The following RASSF3 variants were observed in gnomAD, a reference collection of about 807,000 sequenced individuals.
RASSF3 encodes the protein Ras association domain family member 3.
In RASSF3, 19 loss-of-function variants were observed where a neutral mutation model predicts 19.9. That is an observed-to-expected ratio of 0.96 (90% confidence interval 0.67 to 1.40). The LOEUF is 1.40. Ranked by LOEUF, RASSF3 falls within the 40% of genes most tolerant of loss-of-function variation. The pLI is 0.00. For missense variants in RASSF3, 306 were observed against 289.8 expected, an observed-to-expected ratio of 1.06 and a Z score of -0.41; for synonymous variants, 110 against 104.2, an observed-to-expected ratio of 1.06 and a Z score of -0.34.
intron 1 of RASSF3, among the ~76,000 whole-genome samples, chr12:64,523,437 T>G (rs532989585): frequency 3.9e-5 from 6 of 151,936 alleles, no homozygotes; most frequent in African/African-American, 1.4e-4. Context: ...AAAGAAAAAA[T>G]AAGCTTCTTT....
At chr12:64,665,611 A>C (rs185034511) in intron 1 of RASSF3, among the ~76,000 whole-genome samples, 35 of 152,270 alleles carry the variant, frequency 2.3e-4, no homozygotes, top group Non-Finnish European at 4.4e-5. Context: ...AACACCTGGA[A>C]ATTACCACCC....
At chr12:64,639,560 G>C (rs1408289343) in intron 1 of RASSF3, among the ~76,000 whole-genome samples, 1 of 152,108 alleles carries the variant, frequency 6.6e-6, no homozygotes, top group Non-Finnish European at 1.5e-5. Flanking sequence ...TAATTACGAA[G>C]AATGGCATAA....
intron 1 of RASSF3, among the ~76,000 whole-genome samples, chr12:64,639,615 G>C (rs890041047): frequency 1.3e-5 from 2 of 152,124 alleles, no homozygotes; most frequent in Non-Finnish European, 2.9e-5. Flanking sequence ...GCTCCCTTTG[G>C]GTGAAAGAAG....
chr12:64,575,423 G>T (rs899299142), intron 2 of RASSF3, among the ~76,000 whole-genome samples: 1 of 152,078 alleles, frequency 6.6e-6, no homozygotes, highest in African/African-American at 2.4e-5. Flanking sequence ...CGTGGTGGTG[G>T]ACACCTGTAG....
intron 2 of RASSF3, among the ~76,000 whole-genome samples, chr12:64,599,823 G>A (rs182555522): frequency 1.3e-5 from 2 of 152,026 alleles, no homozygotes; most frequent in East Asian, 3.9e-4. Context: ...ACGAGGTCAG[G>A]AGATCGAGAC....
downstream of RASSF3, among the ~76,000 whole-genome samples, chr12:64,544,149 C>T (rs1168514889): frequency 6.6e-6 from 1 of 152,114 alleles, no homozygotes; most frequent in Non-Finnish European, 1.5e-5. Flanking sequence ...CTTTGGGTCA[C>T]ACTGCGTTTA....
downstream of RASSF3, among the ~76,000 whole-genome samples, chr12:64,546,248 G>C (rs1420451499): frequency 1.3e-5 from 2 of 152,046 alleles, no homozygotes; most frequent in African/African-American, 2.4e-5. Context: ...CCGAAGTGTG[G>C]TGCTGTAATA....
intron 1 of RASSF3, among the ~76,000 whole-genome samples, chr12:64,676,063 G>A (rs1332526753): frequency 1.3e-5 from 2 of 152,034 alleles, no homozygotes; most frequent in Admixed American, 6.6e-5. Flanking sequence ...CACTGGTGCC[G>A]TGAGAACACT....
intron 1 of RASSF3, among the ~76,000 whole-genome samples, chr12:64,647,029 C>T (rs1175424717): frequency 6.6e-6 from 1 of 152,070 alleles, no homozygotes; most frequent in Non-Finnish European, 1.5e-5. Flanking sequence ...AGTGCAGAAG[C>T]TAGAATTTTA....
At chr12:64,520,551 CACACATATATATAT>C (rs1489615936) in intron 1 of RASSF3, among the ~76,000 whole-genome samples, 13 of 120,146 alleles carry the variant, frequency 1.1e-4, no homozygotes, top group Admixed American at 4.6e-4. Context: ...TACACACATA[CACACATATATATAT>C]ATATATATAT....
At chr12:64,555,255 T>C (rs1208980369) in intron 2 of RASSF3, among the ~76,000 whole-genome samples, 1 of 151,522 alleles carries the variant, frequency 6.6e-6, no homozygotes, top group Admixed American at 6.6e-5. Flanking sequence ...AAAAAAAATT[T>C]GATTCTAGAA....
At position 64,610,538 on chromosome 12, in the gene RASSF3, C is replaced by A; in HGVS notation, c.-95C>A. The stretch of plus-strand genomic sequence containing the variant: ...GCTGCATAAGGACTGCCCGGGGCTG[C>A]GCGCCGGGAACCTCGCGGGGCTGGC... On this transcript the variant is annotated 5_prime_UTR_variant, in exon 1 of 5. Transcript: ENST00000542104. 2 of 481,636 alleles carry A rather than the reference C, an allele frequency of 4.2e-6. No individual in the cohort carries two copies. Among genetic ancestry groups the A allele is most frequent in the Non-Finnish European group, 6.4e-6 (2 of 313,682 alleles). 29.8% of individuals were successfully genotyped at this position (481,636 alleles called of 1,614,324 possible).
At chr12:64,507,124 A>C (rs1403254477) in exon 1 of RASSF3, 1 of 398,400 alleles carries the variant, frequency 2.5e-6, no homozygotes, top group Non-Finnish European at 4.4e-6. Context: ...GTTCACAGCT[A>C]AAGTGTCATA....
intron 2 of RASSF3, among the ~76,000 whole-genome samples, chr12:64,563,241 A>C (rs1472666651): frequency 6.7e-6 from 1 of 149,816 alleles, no homozygotes; most frequent in Non-Finnish European, 1.5e-5. Context: ...ATCTCGGCTT[A>C]CTACAACCTC....
At chr12:64,636,861 G>A (rs1222706274) in intron 1 of RASSF3, among the ~76,000 whole-genome samples, 4 of 130,328 alleles carry the variant, frequency 3.1e-5, no homozygotes, top group Non-Finnish European at 4.8e-5. Context: ...GCAAAACTCC[G>A]TCTCAAAAAA....
chr12:64,593,193 C>G (rs1161446443), intron 2 of RASSF3, among the ~76,000 whole-genome samples: 1 of 152,176 alleles, frequency 6.6e-6, no homozygotes, highest in East Asian at 1.9e-4. Context: ...CCTTTGGACT[C>G]TGCTTATTGC....
At chr12:64,637,787 T>A (rs1871372782) in intron 1 of RASSF3, among the ~76,000 whole-genome samples, 1 of 151,898 alleles carries the variant, frequency 6.6e-6, no homozygotes, top group South Asian at 2.1e-4. Flanking sequence ...CTGGGCTGGT[T>A]CTAAAATTAG....
intron 2 of RASSF3, among the ~76,000 whole-genome samples, chr12:64,573,238 G>T (rs1283206430): frequency 2.0e-5 from 3 of 152,022 alleles, no homozygotes; most frequent in Non-Finnish European, 2.9e-5. Context: ...TAGAGCCTGG[G>T]AGGTCAAGGC....
At chr12:64,544,376 C>A (rs1869014694), downstream of RASSF3, among the ~76,000 whole-genome samples, 1 of 152,178 alleles carries the variant, frequency 6.6e-6, no homozygotes, top group South Asian at 2.1e-4. Context: ...TCAGAAGGAA[C>A]AAACTCCAGA....
Sources: allele counts gnomAD v4.1 joint callset (sites outside exome capture counted in the v4.1 genomes callset), GRCh38; gene constraint gnomAD v4.1.1; transcripts MANE v1.5; gene names NCBI Gene and HGNC (gene_info 2026-07-23, HGNC 2026-07-21).